The following LRBA variants were observed in gnomAD, a reference collection of about 807,000 sequenced individuals.
LRBA encodes lipopolysaccharide-responsive and beige-like anchor protein.
A neutral mutation model predicts 330.0 loss-of-function variants in LRBA; 176 were observed. The observed-to-expected ratio is 0.53, with a 90% confidence interval of 0.47 to 0.60. The LOEUF is 0.60. LRBA is among the 20% of genes least tolerant of loss of function. The pLI is 0.00. For synonymous variants in LRBA, 1,230 were observed against 1,193.0 expected, an observed-to-expected ratio of 1.03 and a Z score of -0.64; for missense variants, 3,259 against 3,444.8, an observed-to-expected ratio of 0.95 and a Z score of 1.35.
At chr4:150,282,219 G>GA (rs1336164317) in intron 55 of LRBA, among the ~76,000 whole-genome samples, 1 of 152,184 alleles carries the variant, frequency 6.6e-6, no homozygotes, top group Admixed American at 6.5e-5. Flanking sequence ...CTCTTCTATT[G>GA]AAGGACCGTC....
Position 150,282,489 on chromosome 4 carries a change from TC to T in LRBA, c.8276del (p.Gly2759GlufsTer13). ...NGLFCTFSVN[G>X]KLQATMETDD... ...CTGTTTCCATCGTGGCCTGGAGTTT[TC>T]CATTCACACTGAATGTACAGAAGAG... On this transcript the variant is annotated frameshift_variant, in exon 55 of 57. Coordinates refer to ENST00000651943, the MANE Select transcript of LRBA (RefSeq NM_001364905.1). LOFTEE classifies it high-confidence loss of function. The T allele has an allele frequency of 6.2e-7, 1 of 1,614,214 alleles. No homozygotes were observed. Among genetic ancestry groups the T allele is most frequent in the Non-Finnish European group, 8.5e-7 (1 of 1,180,032 alleles).
intron 2 of LRBA, among the ~76,000 whole-genome samples, chr4:150,967,025 A>G (rs546511049): frequency 6.6e-6 from 1 of 152,270 alleles, no homozygotes; most frequent in East Asian, 1.9e-4. Flanking sequence ...TCTACTATTT[A>G]CTCCATAAAC....
chr4:150,486,843 T>C (rs778280267), intron 42 of LRBA, among the ~76,000 whole-genome samples: 1 of 151,916 alleles, frequency 6.6e-6, no homozygotes, highest in Non-Finnish European at 1.5e-5. Context: ...TCTCTACTTC[T>C]ATGAGTCTAA....
At chr4:150,946,382 C>A (rs1029919959) in intron 2 of LRBA, among the ~76,000 whole-genome samples, 24 of 152,002 alleles carry the variant, frequency 1.6e-4, no homozygotes, top group Non-Finnish European at 2.9e-5. Context: ...AATACAAACT[C>A]AACAAATTTA....
Position 150,265,637 on chromosome 4 carries a change from G to GTT in LRBA, c.*83_*84dup. Reference sequence around the variant, plus strand: ...ATTTTGCTTCTTTGAGCAAATTTAAGTTACATTCAGATGTGGTAGAAGAGA... The same window carrying GTT: ...ATTTTGCTTCTTTGAGCAAATTTAAGTTTTACATTCAGATGTGGTAGAAGAGA... On this transcript the variant is annotated 3_prime_UTR_variant, in exon 57 of 57. Transcript: ENST00000651943. 1.1e-6 allele frequency: 1 copy of GTT among 878,660 alleles called. No homozygotes were observed. Among genetic ancestry groups the GTT allele is most frequent in the South Asian group, 1.5e-5 (1 of 67,436 alleles). 54.4% of individuals were successfully genotyped at this position (878,660 alleles called of 1,614,324 possible).
intron 14 of LRBA, among the ~76,000 whole-genome samples, chr4:150,899,340 A>G (rs1409770848): frequency 6.6e-6 from 1 of 152,156 alleles, no homozygotes; most frequent in Non-Finnish European, 1.5e-5. Flanking sequence ...AACAGCCAAC[A>G]CAGAAGAATT....
chr4:150,265,822 G>A lies in LRBA; in HGVS notation c.8469-10C>T, dbSNP rs771560685. 7.6e-6 allele frequency: 12 copies of A among 1,572,926 alleles called. No individual in the cohort carries two copies. The highest frequency in any genetic ancestry group is 3.3e-5 in the Admixed American group (2 of 59,942). On this transcript the variant is annotated splice_polypyrimidine_tract_variant and intron_variant, in intron 56 of 56. Transcript: ENST00000651943. ...GCCAGAAATGATGCACCTAGGAGAA[G>A]CACAGAGAGAAGGACTTTTACAAAC...
In LRBA at chr4:150,738,435, C is replaced by T. The variant is rs187560253; in HGVS notation, c.5646-3069G>A. On this transcript the variant is annotated intron_variant, in intron 35 of 56. Coordinates refer to ENST00000651943, the MANE Select transcript of LRBA (RefSeq NM_001364905.1). ...TCATCAAAAGCAAAATAAGAACATTCCATGACAAATAAAATAGTGAGAATT... is the reference window on the plus strand; with the variant it reads ...TCATCAAAAGCAAAATAAGAACATTTCATGACAAATAAAATAGTGAGAATT... Among the ~76,000 whole-genome samples, 115 of 152,226 alleles carry T rather than the reference C, an allele frequency of 7.6e-4. No homozygotes were observed. The East Asian group carries it at 9.6e-3, about 13-fold the overall frequency.
chr4:150,706,646 T>C (rs966259533), intron 36 of LRBA, among the ~76,000 whole-genome samples: 2 of 150,798 alleles, frequency 1.3e-5, no homozygotes, highest in African/African-American at 4.9e-5. Flanking sequence ...AATACCATCA[T>C]AACTAAACAA....
intron 40 of LRBA, among the ~76,000 whole-genome samples, chr4:150,521,708 A>C (rs931414769): frequency 5.9e-5 from 9 of 152,244 alleles, no homozygotes; most frequent in African/African-American, 2.2e-4. Context: ...AATAAAGAAT[A>C]CAATCTCTGT....
intron 40 of LRBA, among the ~76,000 whole-genome samples, chr4:150,502,872 A>G (rs1051237217): frequency 9.9e-5 from 15 of 152,226 alleles, no homozygotes; most frequent in African/African-American, 3.4e-4. Context: ...CGCTTTCCCA[A>G]CGGGCTTAAA....
intron 47 of LRBA, among the ~76,000 whole-genome samples, chr4:150,397,754 A>G (rs1744936745): frequency 6.6e-6 from 1 of 152,210 alleles, no homozygotes; most frequent in Non-Finnish European, 1.5e-5. Context: ...ACCTAAACTC[A>G]CAAGTTACCT....
At chr4:150,520,990 T>C (rs976190336) in intron 40 of LRBA, among the ~76,000 whole-genome samples, 3 of 152,220 alleles carry the variant, frequency 2.0e-5, no homozygotes, top group Admixed American at 1.3e-4. Flanking sequence ...TTAAATAAGC[T>C]TTAGAAGTTT....
At chr4:150,938,365 C>T (rs1327390421) in intron 2 of LRBA, among the ~76,000 whole-genome samples, 1 of 152,112 alleles carries the variant, frequency 6.6e-6, no homozygotes, top group Non-Finnish European at 1.5e-5. Context: ...ATGTTTACAG[C>T]CACTGGAAAC....
chr4:150,884,070 C>A (rs1283516506), intron 17 of LRBA, among the ~76,000 whole-genome samples: 1 of 152,184 alleles, frequency 6.6e-6, no homozygotes, highest in Non-Finnish European at 1.5e-5. Context: ...CTACTCCTGT[C>A]ATTACCACCC....
chr4:150,850,322 C>A (rs1382685386), intron 24 of LRBA, among the ~76,000 whole-genome samples: 2 of 152,016 alleles, frequency 1.3e-5, no homozygotes, highest in African/African-American at 4.8e-5. Context: ...TCTCGACCTC[C>A]TGACCTTATG....
At chr4:150,450,144 T>A (rs542298790) in intron 44 of LRBA, among the ~76,000 whole-genome samples, 14 of 152,110 alleles carry the variant, frequency 9.2e-5, no homozygotes, top group African/African-American at 3.1e-4. Flanking sequence ...GATATTAACA[T>A]CAGAAAAAGT....
chr4:150,707,594 T>C (rs1785756440), intron 36 of LRBA, among the ~76,000 whole-genome samples: 2 of 151,564 alleles, frequency 1.3e-5, no homozygotes, highest in Admixed American at 6.6e-5. Context: ...GTAATGATAT[T>C]GAAAACAACA....
At chr4:150,889,707 C>CA (rs1210873531) in intron 17 of LRBA, among the ~76,000 whole-genome samples, 3 of 152,154 alleles carry the variant, frequency 2.0e-5, no homozygotes, top group African/African-American at 7.2e-5. Context: ...CTGTCTTCCA[C>CA]AAAACCAGTC....
Sources: gnomAD v4.1 joint callset for allele counts (sites outside exome capture counted in the v4.1 genomes callset) on GRCh38, gnomAD v4.1.1 for gene constraint, MANE v1.5 for transcripts, NCBI Gene and HGNC (gene_info 2026-07-23, HGNC 2026-07-21) for gene names.